Variants in C10orf143 observed in about 807,000 individuals in gnomAD.
C10orf143 encodes the protein chromosome 10 open reading frame 143.
chr10:130,076,473 C>T (rs901053971), intron 3 of C10orf143, among the ~76,000 whole-genome samples: 3 of 152,148 alleles, frequency 2.0e-5, no homozygotes, highest in Non-Finnish European at 4.4e-5. Context: ...GACCAGTGAC[C>T]CAGTAAGATC....
intron 1 of C10orf143, chr10:130,107,511 C>CA (rs1564973200): frequency 1.5e-6 from 2 of 1,364,184 alleles, no homozygotes; most frequent in South Asian, 1.2e-5. Flanking sequence ...TTAGCTGAAA[C>CA]AGAGTATAAA....
Position 130,100,336 on chromosome 10 carries a change from C to T in C10orf143, c.69+10368G>A, listed in dbSNP as rs150351975. Among the ~76,000 whole-genome samples the T allele has an allele frequency of 3.0e-3, 462 of 151,796 alleles. 1 individual carries two copies. The highest frequency in any genetic ancestry group is 0.01 in the African/African-American group (433 of 41,416). On this transcript the variant is annotated intron_variant, in intron 1 of 3. Coordinates refer to ENST00000637128, the MANE Select transcript of C10orf143 (RefSeq NM_001355042.2). ...GACGAGGTCAGGTGTTCAAGACCAG[C>T]CTGGCCAACATGATGAAATCCCATG...
At chr10:130,094,635 G>A (rs984685579) in intron 1 of C10orf143, among the ~76,000 whole-genome samples, 6 of 152,166 alleles carry the variant, frequency 3.9e-5, no homozygotes, top group African/African-American at 1.4e-4. Context: ...CCACATGATT[G>A]TCTCAATAGA....
intron 3 of C10orf143, among the ~76,000 whole-genome samples, chr10:130,058,691 G>GA (rs1860822327): frequency 1.3e-5 from 2 of 150,988 alleles, no homozygotes; most frequent in Admixed American, 1.3e-4. Context: ...CTATACTAAC[G>GA]AAACAGGAAA....
At chr10:130,091,534 C>T (rs117459727) in intron 1 of C10orf143, among the ~76,000 whole-genome samples, 177 of 152,284 alleles carry the variant, frequency 1.2e-3, no homozygotes, top group South Asian at 2.1e-3. Context: ...AACTCCTCGC[C>T]AGCAAGAGAA....
chr10:130,075,365 G>C (rs1275711105), intron 3 of C10orf143, among the ~76,000 whole-genome samples: 46 of 152,184 alleles, frequency 3.0e-4, no homozygotes, highest in Admixed American at 3.0e-3. Context: ...GATCAGCCCT[G>C]CCAGCACTCT....
intron 1 of C10orf143, among the ~76,000 whole-genome samples, chr10:130,091,977 C>A (rs1861389653): frequency 6.6e-6 from 1 of 152,180 alleles, no homozygotes; most frequent in Admixed American, 6.5e-5. Flanking sequence ...ATGGAACCAA[C>A]TTGGAAACCC....
Position 130,107,697 on chromosome 10 carries a change from G to C in C10orf143, c.69+3007C>G, listed in dbSNP as rs116704172. ...CTCAGACTCTCACCTTTGCCTCCAG[G>C]GGGGGAAGGAAGAGGCTCAAGAGGC... On this transcript the variant is annotated intron_variant, in intron 1 of 3. Coordinates refer to ENST00000637128, the MANE Select transcript of C10orf143 (RefSeq NM_001355042.2). 850 of 1,271,956 alleles carry C rather than the reference G, an allele frequency of 6.7e-4. 3 individuals are homozygous for C. The African/African-American group carries it at 9.6e-3, about 14-fold the overall frequency. The allele number at this position is 1,271,956 out of a possible 1,614,324, so 78.8% of individuals were successfully genotyped here. A position where few individuals can be genotyped will look rare whatever the true frequency, so the allele number is the denominator to read the frequency against.
chr10:130,082,970 A>C (rs997047741), intron 1 of C10orf143, among the ~76,000 whole-genome samples: 1 of 152,220 alleles, frequency 6.6e-6, no homozygotes, highest in Non-Finnish European at 1.5e-5. Context: ...AACAAACAAA[A>C]AAATCCTAAA....
At chr10:130,060,259 AAG>A (rs1172114791), downstream of C10orf143, among the ~76,000 whole-genome samples, 6 of 152,218 alleles carry the variant, frequency 3.9e-5, no homozygotes, top group Admixed American at 3.9e-4. Flanking sequence ...AGAAAACCAG[AAG>A]GTGCCCTCTG....
rs1037938918 is a variant in C10orf143 at position 130,110,829 on chromosome 10, A to C, written c.-57T>G. 1 of 398,714 alleles carries C rather than the reference A, an allele frequency of 2.5e-6. No individual in the cohort carries two copies. Among genetic ancestry groups the C allele is most frequent in the African/African-American group, 2.1e-5 (1 of 48,726 alleles). 24.7% of individuals were successfully genotyped at this position (398,714 alleles called of 1,614,324 possible). On this transcript the variant is annotated 5_prime_UTR_variant, in exon 1 of 4. Transcript: ENST00000637128. ...CAGGCCTGGCCGAGGCCCGCGCACCACGCCCCCTTCCGCACAAGGCCCTGG... is the reference window on the plus strand; with the variant it reads ...CAGGCCTGGCCGAGGCCCGCGCACCCCGCCCCCTTCCGCACAAGGCCCTGG...
intron 3 of C10orf143, chr10:130,068,704 A>G (rs1384943531): frequency 6.9e-6 from 1 of 145,762 alleles, no homozygotes; most frequent in African/African-American, 2.5e-5. Flanking sequence ...TAAAGAGAGA[A>G]TTTTATACAT....
At chr10:130,088,075 C>T (rs1861320944) in intron 1 of C10orf143, among the ~76,000 whole-genome samples, 1 of 152,210 alleles carries the variant, frequency 6.6e-6, no homozygotes, top group Admixed American at 6.5e-5. Context: ...AGCAAATATA[C>T]AGCAAATTAA....
chr10:130,079,459 C>T, intron 3 of C10orf143, 107 bp downstream of exon 3: 1 of 397,894 alleles, frequency 2.5e-6, no homozygotes, highest in Non-Finnish European at 4.4e-6. Flanking sequence ...TTATGTTCCT[C>T]ATTCTTCAGA....
At chr10:130,058,703 T>C (rs1240684727) in intron 3 of C10orf143, among the ~76,000 whole-genome samples, 2 of 151,662 alleles carry the variant, frequency 1.3e-5, no homozygotes, top group Non-Finnish European at 2.9e-5. Flanking sequence ...AACAGGAAAG[T>C]GTTTATCAGA....
chr10:130,084,082 G>A (rs1322904923), intron 1 of C10orf143, among the ~76,000 whole-genome samples: 1 of 152,086 alleles, frequency 6.6e-6, no homozygotes, highest in Non-Finnish European at 1.5e-5. Flanking sequence ...AGGCCAAGGT[G>A]GGCAGATCAC....
chr10:130,066,027 T>G (rs527252278), intron 3 of C10orf143: 1 of 152,150 alleles, frequency 6.6e-6, no homozygotes, highest in East Asian at 1.9e-4. Flanking sequence ...CACAATGATT[T>G]CTTTTTTAAA....
At chr10:130,106,138 A>G in intron 1 of C10orf143, 2 of 743,600 alleles carry the variant, frequency 2.7e-6, no homozygotes, top group South Asian at 1.4e-5. Flanking sequence ...AAAGTATGAG[A>G]CTGGATTCGA....
intron 1 of C10orf143, among the ~76,000 whole-genome samples, chr10:130,087,696 CA>C (rs775614430): frequency 3.3e-5 from 5 of 152,120 alleles, no homozygotes; most frequent in African/African-American, 7.2e-5. Flanking sequence ...AACAGTTTGC[CA>C]GAGATGAGAT....
Sources: gnomAD v4.1 joint callset for allele counts (sites outside exome capture counted in the v4.1 genomes callset) on GRCh38, gnomAD v4.1.1 for gene constraint, MANE v1.5 for transcripts, NCBI Gene and HGNC (gene_info 2026-07-23, HGNC 2026-07-21) for gene names.